The following AMBRA1 variants were observed in gnomAD, a reference collection of about 807,000 sequenced individuals.
AMBRA1 encodes activating molecule in BECN1-regulated autophagy protein 1.
Under a neutral mutation model 125.4 loss-of-function variants are expected in AMBRA1, and 47 were observed. The ratio of observed to expected loss-of-function variants is 0.37; its 90% confidence interval spans 0.30 to 0.48. AMBRA1 has a LOEUF of 0.48. Ranked by LOEUF, AMBRA1 falls within the 20% of genes least tolerant of loss-of-function variation. AMBRA1 has a pLI of 0.99. For missense variants in AMBRA1, 1,331 were observed against 1,693.4 expected (o/e 0.79, Z 3.76); for synonymous variants, 626 against 655.5 (o/e 0.95, Z 0.69).
At chr11:46,554,781 G>A (rs1167306049) in intron 1 of AMBRA1, among the ~76,000 whole-genome samples, 1 of 152,118 alleles carries the variant, frequency 6.6e-6, no homozygotes, top group East Asian at 1.9e-4. Context: ...AAAGGAAGAA[G>A]AAACAAGTTT....
chr11:46,471,628 T>C (rs1205011346), intron 11 of AMBRA1, among the ~76,000 whole-genome samples: 2 of 150,988 alleles, frequency 1.3e-5, no homozygotes, highest in South Asian at 2.1e-4. Flanking sequence ...TTTCTTTCTG[T>C]TTTGTTTTGT....
intron 11 of AMBRA1, among the ~76,000 whole-genome samples, chr11:46,460,345 G>A (rs980191709): frequency 4.8e-5 from 7 of 147,220 alleles, no homozygotes; most frequent in East Asian, 2.0e-4. Flanking sequence ...TTTTTGAGAC[G>A]GAGTCTCGCT....
rs1946137448 is a variant in AMBRA1 at position 46,408,573 on chromosome 11, C to T, written c.3343G>A (p.Glu1115Lys). 13 of 1,606,868 alleles carry T rather than the reference C, an allele frequency of 8.1e-6. No homozygotes were observed. Among genetic ancestry groups the T allele is most frequent in the Non-Finnish European group, 1.1e-5 (13 of 1,175,632 alleles). ...QTLALQLQNAETQTEREVPEP... is the reference protein window; with the variant it reads ...QTLALQLQNAKTQTEREVPEP... ...GGCACCTCCCTCTCAGTCTGTGTTT[C>T]GGCATTCTGCAGCTGAAGGGCCAGA... The change falls in exon 17 of 18, where the codon GAA becomes AAA. Residue 1115 changes from glutamate to lysine, a missense_variant. By Grantham distance (56) the Glu-to-Lys change is moderately conservative. Coordinates refer to ENST00000683756, the MANE Select transcript of AMBRA1 (RefSeq NM_001387011.1).
chr11:46,523,350 T>C (rs1419760295), intron 7 of AMBRA1, among the ~76,000 whole-genome samples: 1 of 152,138 alleles, frequency 6.6e-6, no homozygotes, highest in Non-Finnish European at 1.5e-5. Flanking sequence ...TTCTCCACCA[T>C]TTCCCTCTGT....
intron 11 of AMBRA1, among the ~76,000 whole-genome samples, chr11:46,469,665 C>T (rs945003382): frequency 6.6e-6 from 1 of 151,796 alleles, no homozygotes; most frequent in African/African-American, 2.4e-5. Flanking sequence ...ATATTTCTTT[C>T]TTTTTCTCTT....
chr11:46,497,124 TAAATA>T (rs935781253), intron 9 of AMBRA1, among the ~76,000 whole-genome samples: 25 of 150,954 alleles, frequency 1.7e-4, no homozygotes, highest in Non-Finnish European at 2.7e-4. Flanking sequence ...AATAAATAAA[TAAATA>T]AAATAAAATA....
At chr11:46,400,671 C>T (rs1205995558) in intron 17 of AMBRA1, among the ~76,000 whole-genome samples, 1 of 151,388 alleles carries the variant, frequency 6.6e-6, no homozygotes, top group Non-Finnish European at 1.5e-5. Flanking sequence ...GTACTTTTTG[C>T]AGAGACGGTT....
At chr11:46,510,117 AG>A (rs1482217394) in intron 8 of AMBRA1, among the ~76,000 whole-genome samples, 2 of 152,214 alleles carry the variant, frequency 1.3e-5, no homozygotes, top group Non-Finnish European at 2.9e-5. Flanking sequence ...TAAACTCAAA[AG>A]TCTGTTTTAC....
chr11:46,459,647 G>A (rs1377610309), intron 11 of AMBRA1, among the ~76,000 whole-genome samples: 2 of 151,112 alleles, frequency 1.3e-5, no homozygotes, highest in Non-Finnish European at 2.9e-5. Flanking sequence ...GGAGGTGGAG[G>A]TTGCAATGAG....
At chr11:46,448,636 C>T (rs1948428350) in intron 11 of AMBRA1, among the ~76,000 whole-genome samples, 1 of 151,942 alleles carries the variant, frequency 6.6e-6, no homozygotes, top group Non-Finnish European at 1.5e-5. Flanking sequence ...CAGGAAATCA[C>T]CTATAGAGAA....
intron 1 of AMBRA1, among the ~76,000 whole-genome samples, chr11:46,570,888 C>T (rs1477625417): frequency 6.6e-6 from 1 of 151,964 alleles, no homozygotes; most frequent in Admixed American, 6.6e-5. Context: ...GCAAGCCCTA[C>T]TCCAAGAAAG....
intron 7 of AMBRA1, among the ~76,000 whole-genome samples, chr11:46,533,412 A>C (rs1421444478): frequency 2.0e-5 from 3 of 152,194 alleles, no homozygotes; most frequent in African/African-American, 7.2e-5. Context: ...TCTCTTGTTT[A>C]CTATTAATTT....
chr11:46,550,648 A>G (rs1407408559), intron 1 of AMBRA1, among the ~76,000 whole-genome samples: 1 of 152,188 alleles, frequency 6.6e-6, no homozygotes, highest in Non-Finnish European at 1.5e-5. Context: ...TACAAATAAT[A>G]AATTTCCCTT....
chr11:46,573,211 C>T (rs939289887), intron 1 of AMBRA1, among the ~76,000 whole-genome samples: 6 of 151,794 alleles, frequency 4.0e-5, no homozygotes, highest in Admixed American at 1.3e-4. Flanking sequence ...TCAAGACCAG[C>T]CTCGCCAACA....
At chr11:46,503,287 C>T (rs1270933785) in intron 9 of AMBRA1, among the ~76,000 whole-genome samples, 3 of 151,948 alleles carry the variant, frequency 2.0e-5, no homozygotes, top group South Asian at 2.1e-4. Flanking sequence ...TTCAATATTG[C>T]TGTGTATCAG....
intron 14 of AMBRA1, chr11:46,428,589 C>CTT (rs34540155): frequency 0.035 from 32,855 of 933,404 alleles, 22 homozygotes; most frequent in East Asian, 0.06. Context: ...TCTTCTTCTT[C>CTT]TTCTTTTTTT....
chr11:46,427,388 A>C (rs760466138), intron 14 of AMBRA1, among the ~76,000 whole-genome samples: 34 of 152,234 alleles, frequency 2.2e-4, no homozygotes, highest in Non-Finnish European at 4.1e-4. Context: ...AAAGAAAGCA[A>C]GCAATCTAAT....
In AMBRA1 at chr11:46,542,270, G is replaced by C. The variant is rs768334358; in HGVS notation, c.1747C>G (p.Arg583Gly). The C allele has an allele frequency of 6.2e-7, 1 of 1,613,942 alleles. No homozygotes were observed. Among genetic ancestry groups the C allele is most frequent in the African/African-American group, 1.3e-5 (1 of 74,932 alleles). Residue 583 changes from arginine to glycine, a missense_variant, in exon 7 of 18, where the codon CGC becomes GGC. By Grantham distance (125) the Arg-to-Gly change is moderately radical (BLOSUM62 -2). This residue lies in a region of AMBRA1 where 689 missense variants were observed against 776.5 expected (regional missense o/e 0.89). Transcript: ENST00000683756. This position sits in a 1 kb window ranked among gnomAD's most constrained non-coding sequence, Gnocchi z 5.9. Reference protein sequence around the residue: ...NLLTFNNDTLRWERTTPNYSS... With the variant: ...NLLTFNNDTLGWERTTPNYSS... ...TAGTTAGGTGTGGTTCTTTCCCAGC[G>C]CAGGGTATCGTTGTTGAAGGTCAGG... is the stretch of plus-strand genomic sequence containing the variant.
At chr11:46,547,003 G>T in intron 4 of AMBRA1, 110 bp downstream of exon 4, 1 of 993,624 alleles carries the variant, frequency 1.0e-6, no homozygotes, top group Non-Finnish European at 1.5e-6. Context: ...CCTGGGAGAC[G>T]GAGGTTGCAG....
Sources: gnomAD v4.1 joint callset for allele counts (sites outside exome capture counted in the v4.1 genomes callset) on GRCh38, gnomAD v4.1.1 for gene constraint, gnomAD v4.1.1 regional missense constraint, Gnocchi (gnomAD v3.1) non-coding constraint, MANE v1.5 for transcripts, NCBI Gene and HGNC (gene_info 2026-07-23, HGNC 2026-07-21) for gene names.